KCNJ10: variants seen among roughly 807,000 people sequenced by gnomAD.
The protein encoded by KCNJ10 is ATP-sensitive inward rectifier potassium channel 10.
KCNJ10 carries 9 observed loss-of-function variants against 22.2 expected under a neutral mutation model. The ratio of observed to expected loss-of-function variants is 0.40; its 90% CI spans 0.24 to 0.71. The LOEUF is 0.71. Among genes scored for constraint, KCNJ10 ranks in the 30% least tolerant of loss-of-function variants. The pLI, the probability that KCNJ10 is intolerant of heterozygous loss-of-function variation, is 0.35. For synonymous variants in KCNJ10, 184 were observed against 187.3 expected, an observed-to-expected ratio of 0.98 and a Z score of 0.15; for missense variants, 337 against 482.7, an observed-to-expected ratio of 0.70 and a Z score of 2.83.
intron 1 of KCNJ10, among the ~76,000 whole-genome samples, chr1:160,061,483 G>T (rs1401065586): frequency 4.6e-5 from 7 of 152,210 alleles, no homozygotes; most frequent in East Asian, 1.9e-4. Context: ...GCTCTGGGGT[G>T]GGGGGCCTGG....
chr1:160,045,501 G>A (rs1648722659), intron 1 of KCNJ10, among the ~76,000 whole-genome samples: 1 of 152,230 alleles, frequency 6.6e-6, no homozygotes, highest in African/African-American at 2.4e-5. Context: ...TTGAGAAGAT[G>A]TGATTTAGCA....
rs1222458517 is a variant in KCNJ10, at chr1:160,039,062, C to T, written c.*2331G>A. The T allele has an allele frequency of 6.6e-6, 1 of 152,610 alleles. No homozygotes were observed. Among genetic ancestry groups the T allele is most frequent in the Non-Finnish European group, 1.5e-5 (1 of 68,072 alleles). 9.5% of individuals were successfully genotyped at this position (152,610 alleles called of 1,614,324 possible). On this transcript the variant is annotated 3_prime_UTR_variant, in exon 2 of 2. Transcript: ENST00000644903. ...AGGATTTCAGGTCAGAGGAGACAGA[C>T]TATAGTCTAAAGAACCATTTAGAGT...
At position 160,062,205 on chromosome 1, in the gene KCNJ10, CT is replaced by C. The variant is rs752817313; in HGVS notation, c.-1+7816del. ...GGGAGTCACCTCCTGCCCATCCCCCCTGGCCCAGGGCCCACTCCCCCGTGCT... is the reference window on the plus strand; with the variant it reads ...GGGAGTCACCTCCTGCCCATCCCCCCGGCCCAGGGCCCACTCCCCCGTGCT... On this transcript the variant is annotated intron_variant, in intron 1 of 1. Coordinates refer to ENST00000644903, the MANE Select transcript of KCNJ10 (RefSeq NM_002241.5). Among the ~76,000 whole-genome samples the C allele has an allele frequency of 3.9e-5, 6 of 152,160 alleles. No homozygotes were observed. In the South Asian group the frequency reaches 1.2e-3, roughly 32 times the overall value.
chr1:160,038,131 T>C lies in KCNJ10; in HGVS notation c.*3262A>G, dbSNP rs1334143944. The C allele has an allele frequency of 6.6e-6, 1 of 152,226 alleles. No homozygotes were observed. Among genetic ancestry groups the C allele is most frequent in the Admixed American group, 6.5e-5 (1 of 15,292 alleles). 9.4% of individuals were successfully genotyped at this position (152,226 alleles called of 1,614,324 possible). On this transcript the variant is annotated 3_prime_UTR_variant, in exon 2 of 2. Transcript: ENST00000644903. Reference sequence around the variant, plus strand: ...GGCATTTGGATTCCAGGGTTGAGGCTTCCCATTAGTGCCTCCCATACACCA... The same window carrying C: ...GGCATTTGGATTCCAGGGTTGAGGCCTCCCATTAGTGCCTCCCATACACCA...
At chr1:160,049,687 A>ATT (rs1557970385) in intron 1 of KCNJ10, among the ~76,000 whole-genome samples, 45 of 104,096 alleles carry the variant, frequency 4.3e-4, no homozygotes, top group Non-Finnish European at 7.9e-4. Context: ...ATATATATAT[A>ATT]TATATATATA....
In KCNJ10 at chr1:160,059,520, C is replaced by T. The variant is rs114493739; in HGVS notation, c.-1+10502G>A. 7.1e-3 allele frequency among the ~76,000 whole-genome samples: 1,082 copies of T among 151,696 alleles called. 9 individuals carry two copies. The highest frequency in any genetic ancestry group is 0.011 in the Non-Finnish European group (748 of 67,582). On this transcript the variant is annotated intron_variant, in intron 1 of 1. Coordinates refer to ENST00000644903, the MANE Select transcript of KCNJ10 (RefSeq NM_002241.5). The stretch of plus-strand genomic sequence containing the variant: ...AACCTTGGAGCATTATCCACAGAAA[C>T]TCTTCCCCAGCCAACCACAGCCACA...
At chr1:160,052,797 G>C (rs1166874521) in intron 1 of KCNJ10, among the ~76,000 whole-genome samples, 1 of 152,096 alleles carries the variant, frequency 6.6e-6, no homozygotes, top group African/African-American at 2.4e-5. Flanking sequence ...GTGGAATAGG[G>C]GTTGGTATTA....
chr1:160,051,989 G>T (rs1174225632), intron 1 of KCNJ10, among the ~76,000 whole-genome samples: 1 of 152,006 alleles, frequency 6.6e-6, no homozygotes, highest in Non-Finnish European at 1.5e-5. Context: ...GTAATAGTAT[G>T]CTATCCATCT....
chr1:160,046,727 G>A (rs972560446), intron 1 of KCNJ10, among the ~76,000 whole-genome samples: 1 of 152,106 alleles, frequency 6.6e-6, no homozygotes, highest in Non-Finnish European at 1.5e-5. Flanking sequence ...AGTCAGAAGC[G>A]GATAAACAAT....
chr1:160,047,839 C>G (rs753993977), intron 1 of KCNJ10, among the ~76,000 whole-genome samples: 3 of 152,196 alleles, frequency 2.0e-5, no homozygotes, highest in African/African-American at 7.2e-5. Context: ...CTCCTGGACT[C>G]AAGCAGTCCT....
At chr1:160,042,931 C>T (rs1398273180) in intron 1 of KCNJ10, among the ~76,000 whole-genome samples, 10 of 84,006 alleles carry the variant, frequency 1.2e-4, no homozygotes, top group Admixed American at 8.2e-4. Flanking sequence ...AGCGAGACTC[C>T]GTCTCAAAAA....
At chr1:160,049,675 T>TTTTATTTATA (rs1553235648) in intron 1 of KCNJ10, among the ~76,000 whole-genome samples, 1 of 47,096 alleles carries the variant, frequency 2.1e-5, no homozygotes, top group Non-Finnish European at 4.1e-5. Flanking sequence ...TTTTATTTAT[T>TTTTATTTATA]TATATATATA....
chr1:160,063,578 G>A (rs187485543), intron 1 of KCNJ10: 30 of 152,370 alleles, frequency 2.0e-4, no homozygotes, highest in African/African-American at 6.5e-4. Context: ...GAGATTGCTG[G>A]GGAAAAGAAA....
chr1:160,069,851 G>A (rs1337930388), intron 1 of KCNJ10, among the ~76,000 whole-genome samples, 171 bp downstream of exon 1: 2 of 152,180 alleles, frequency 1.3e-5, no homozygotes, highest in African/African-American at 4.8e-5. Context: ...CCCTTCCCAG[G>A]AGGCTCCATT....
chr1:160,045,223 G>A (rs1457576323), intron 1 of KCNJ10, among the ~76,000 whole-genome samples: 1 of 152,178 alleles, frequency 6.6e-6, no homozygotes, highest in African/African-American at 2.4e-5. Context: ...GACCATGATA[G>A]CCTGGAATTC....
rs1648573600 is a variant in KCNJ10 at position 160,040,360 on chromosome 1, G to A, written c.*1033C>T. 2.5e-6 allele frequency: 1 copy of A among 393,574 alleles called. No individual in the cohort carries two copies. The highest frequency in any genetic ancestry group is 2.1e-5 in the African/African-American group (1 of 48,552). The allele number at this position is 393,574 out of a possible 1,614,324, so 24.4% of individuals were successfully genotyped here. A position where few individuals can be genotyped will look rare whatever the true frequency, so the allele number is the denominator to read the frequency against. ...GCCCTGTGAATCTAGTTTTACTTGA[G>A]CATCCGTGTTAAGAGAGGAAGGCCC... On this transcript the variant is annotated 3_prime_UTR_variant, in exon 2 of 2. Coordinates refer to ENST00000644903, the MANE Select transcript of KCNJ10 (RefSeq NM_002241.5).
chr1:160,042,594 C>A, intron 1 of KCNJ10, 62 bp from the exon 2 acceptor site: 1 of 1,420,798 alleles, frequency 7.0e-7, no homozygotes, highest in Non-Finnish European at 9.9e-7. Context: ...TCCTAACCCT[C>A]ACCCCATGGG....
In KCNJ10 at chr1:160,041,801, A is replaced by G. The variant is rs761696279; in HGVS notation, c.732T>C (p.Ser244=). ...GGGGTAGAATAAGGAAGGGGCTGTCAGAGGCTGTGTCTACTTGGAAAGTCA... is the reference window on the plus strand; with the variant it reads ...GGGGTAGAATAAGGAAGGGGCTGTCGGAGGCTGTGTCTACTTGGAAAGTCA... The part of the protein sequence containing the change: ...VNVTFQVDTA[S]DSPFLILPLT... Residue 244 remains serine, a synonymous_variant, in exon 2 of 2, where the codon TCT becomes TCC. Coordinates refer to ENST00000644903, the MANE Select transcript of KCNJ10 (RefSeq NM_002241.5). This position sits in a 1 kb window ranked among gnomAD's most constrained non-coding sequence, Gnocchi z 4.4. 6 of 1,614,116 alleles carry G rather than the reference A, an allele frequency of 3.7e-6. No individual in the cohort carries two copies. The Admixed American group carries it at 1.0e-4, about 27-fold the overall frequency.
chr1:160,061,219 C>CA (rs1379008967), intron 1 of KCNJ10, among the ~76,000 whole-genome samples: 1 of 152,026 alleles, frequency 6.6e-6, no homozygotes, highest in Admixed American at 6.6e-5. Context: ...GGGAAAAACA[C>CA]AAAAAAACTA....
Sources: gnomAD v4.1 joint callset for allele counts (sites outside exome capture counted in the v4.1 genomes callset) on GRCh38, gnomAD v4.1.1 for gene constraint, Gnocchi (gnomAD v3.1) non-coding constraint, MANE v1.5 for transcripts, NCBI Gene and HGNC (gene_info 2026-07-23, HGNC 2026-07-21) for gene names.